RAP1GAP2: variants seen among roughly 807,000 people sequenced by gnomAD.
RAP1GAP2 encodes RAP1 GTPase activating protein 2.
In RAP1GAP2, 27 loss-of-function variants were observed where a neutral mutation model predicts 95.0. The observed-to-expected ratio is 0.28, with a 90% CI of 0.21 to 0.39. RAP1GAP2 has a LOEUF of 0.39. Ranked by LOEUF, RAP1GAP2 falls within the 10% of genes least tolerant of loss-of-function variation. The pLI is 1.00. For missense variants in RAP1GAP2, 771 were observed against 970.0 expected (o/e 0.79, Z 2.72); for synonymous variants, 373 against 380.9 (o/e 0.98, Z 0.24).
intron 3 of RAP1GAP2, among the ~76,000 whole-genome samples, chr17:2,956,463 T>C (rs2044110252): frequency 6.6e-6 from 1 of 152,214 alleles, no homozygotes. Flanking sequence ...CAGGCAGTTC[T>C]GGCCCATGGG....
intron 3 of RAP1GAP2, among the ~76,000 whole-genome samples, chr17:2,951,126 C>T (rs2043908285): frequency 6.6e-6 from 1 of 152,250 alleles, no homozygotes; most frequent in Non-Finnish European, 1.5e-5. Context: ...CAGCATCTCT[C>T]AGGCCCAGGC....
intron 17 of RAP1GAP2, among the ~76,000 whole-genome samples, chr17:3,015,518 T>C (rs943695335): frequency 2.0e-5 from 3 of 152,136 alleles, no homozygotes; most frequent in African/African-American, 7.2e-5. Flanking sequence ...TAGACCCAGC[T>C]CTTCCTAAGA....
At chr17:2,886,527 C>A (rs2073511589) in intron 2 of RAP1GAP2, among the ~76,000 whole-genome samples, 1 of 152,264 alleles carries the variant, frequency 6.6e-6, no homozygotes, top group Non-Finnish European at 1.5e-5. Context: ...GAATGATAGT[C>A]AGTGGTGCCC....
chr17:2,814,028 T>G (rs2069891900), intron 2 of RAP1GAP2, among the ~76,000 whole-genome samples: 1 of 151,884 alleles, frequency 6.6e-6, no homozygotes, highest in South Asian at 2.1e-4. Flanking sequence ...TCTGGGGCAG[T>G]GGTATAAAAT....
intron 3 of RAP1GAP2, among the ~76,000 whole-genome samples, chr17:2,916,647 C>A (rs1400920802): frequency 3.9e-5 from 6 of 152,134 alleles, no homozygotes; most frequent in Non-Finnish European, 8.8e-5. Context: ...GGGACGGTGG[C>A]CACCGGGAGG....
chr17:2,905,404 G>A (rs778823944), intron 3 of RAP1GAP2, 36 bp downstream of exon 3: 21 of 1,601,034 alleles, frequency 1.3e-5, no homozygotes, highest in African/African-American at 2.7e-5. Context: ...AGGGAGGGGA[G>A]AGTGTGGGGA....
intron 17 of RAP1GAP2, among the ~76,000 whole-genome samples, chr17:3,009,693 G>C (rs2046450235): frequency 6.6e-6 from 1 of 152,182 alleles, no homozygotes; most frequent in African/African-American, 2.4e-5. Flanking sequence ...GTTGGGAAAA[G>C]GAGCTGAGCT....
At chr17:2,977,808 A>G (rs1363902268) in intron 8 of RAP1GAP2, among the ~76,000 whole-genome samples, 2 of 152,026 alleles carry the variant, frequency 1.3e-5, no homozygotes, top group Non-Finnish European at 1.5e-5. Flanking sequence ...TAAGACTGGA[A>G]TAACACCTTG....
At chr17:3,006,640 A>G (rs536262105) in intron 16 of RAP1GAP2, among the ~76,000 whole-genome samples, 15 of 150,236 alleles carry the variant, frequency 1.0e-4, no homozygotes, top group African/African-American at 1.7e-4. Flanking sequence ...TTGCCATGTT[A>G]GCCAGGATGG....
In RAP1GAP2 at chr17:3,008,115, A is replaced by G; in HGVS notation, c.1464A>G (p.Gly488=). The G allele has an allele frequency of 6.2e-7, 1 of 1,613,942 alleles. No individual in the cohort carries two copies. Among genetic ancestry groups the G allele is most frequent in the Non-Finnish European group, 8.5e-7 (1 of 1,179,862 alleles). The change falls in exon 17 of 25, where the codon GGA becomes GGG. Residue 488 remains glycine (G), a synonymous_variant. Coordinates refer to ENST00000254695, the MANE Select transcript of RAP1GAP2 (RefSeq NM_015085.5). This position sits in a 1 kb window ranked among gnomAD's most constrained non-coding sequence, Gnocchi z 4.2. ...CAGAGGAGGACAAGTTTGAGAATGG[A>G]GGCCACGGGGGGTTCCTGGAGTCTT... ...LGPEEDKFEN[G]GHGGFLESFK...
chr17:2,761,084 A>G (rs9909127), intron 1 of RAP1GAP2, among the ~76,000 whole-genome samples: 15,385 of 149,922 alleles, frequency 0.1, 790 homozygotes, highest in Admixed American at 0.12. Flanking sequence ...CCTCCCGAGT[A>G]GCTGGGATTA....
chr17:2,873,965 C>T lies in RAP1GAP2; in HGVS notation c.81-31319C>T, dbSNP rs186845945. On this transcript the variant is annotated intron_variant, in intron 2 of 24. Coordinates refer to ENST00000254695, the MANE Select transcript of RAP1GAP2 (RefSeq NM_015085.5). ...TTGGTAGAGACGCGGTGGGGGGGGG[C>T]GGGTTTCACCATGTTGGCCAGGCTG... is the stretch of plus-strand genomic sequence containing the variant. 6.3e-4 allele frequency among the ~76,000 whole-genome samples: 95 copies of T among 150,610 alleles called. 1 individual carries two copies. The highest frequency in any genetic ancestry group is 2.0e-3 in the African/African-American group (83 of 41,022).
Position 3,009,510 on chromosome 17 carries a change from G to A in RAP1GAP2, c.1494+1365G>A, listed in dbSNP as rs564042404. Among the ~76,000 whole-genome samples the A allele has an allele frequency of 1.4e-4, 21 of 152,302 alleles. No homozygotes were observed. In the South Asian group the frequency reaches 4.4e-3, roughly 32 times the overall value. ...AGGTGGAGTTGAATCCAGGTCCGCC[G>A]GATTCCAAATCCGACACCACCTCCC... On this transcript the variant is annotated intron_variant, in intron 17 of 24. Coordinates refer to ENST00000254695, the MANE Select transcript of RAP1GAP2 (RefSeq NM_015085.5).
At chr17:2,979,000 A>T (rs947354013) in intron 8 of RAP1GAP2, among the ~76,000 whole-genome samples, 89 of 145,842 alleles carry the variant, frequency 6.1e-4, no homozygotes, top group African/African-American at 2.0e-3. Context: ...AAATAAATAA[A>T]AAAAATAAAA....
chr17:2,899,306 C>A (rs968057306), intron 2 of RAP1GAP2, among the ~76,000 whole-genome samples: 8 of 151,570 alleles, frequency 5.3e-5, no homozygotes, highest in South Asian at 2.1e-4. Context: ...CCGGGAGCTT[C>A]CGCTATTCTC....
chr17:2,912,571 C>T lies in RAP1GAP2; in HGVS notation c.165+7203C>T, dbSNP rs11868546. Among the ~76,000 whole-genome samples the T allele has an allele frequency of 5.5e-3, 844 of 152,178 alleles. 3 individuals are homozygous for T. The highest frequency in any genetic ancestry group is 0.01 in the Middle Eastern group (3 of 294). On this transcript the variant is annotated intron_variant, in intron 3 of 24. Coordinates refer to ENST00000254695, the MANE Select transcript of RAP1GAP2 (RefSeq NM_015085.5). ...CATCAGCAAGGAGGTTTGGTTTTTC[C>T]CTCTTCAAGAAAACCCTGTGTAGGG...
At chr17:2,885,881 T>C (rs8078491) in intron 2 of RAP1GAP2, among the ~76,000 whole-genome samples, 1,566 of 152,332 alleles carry the variant, frequency 0.01, 27 homozygotes, top group African/African-American at 0.034. Context: ...ATTATTGACA[T>C]TGATGCATCA....
At chr17:2,956,728 C>A (rs1033421998) in intron 3 of RAP1GAP2, among the ~76,000 whole-genome samples, 1 of 152,204 alleles carries the variant, frequency 6.6e-6, no homozygotes, top group African/African-American at 2.4e-5. Flanking sequence ...GCCAGCCCCT[C>A]ACGCTTCCAT....
upstream of RAP1GAP2, among the ~76,000 whole-genome samples, chr17:2,773,769 TC>T (rs1249706315): frequency 6.8e-6 from 1 of 147,904 alleles, no homozygotes; most frequent in African/African-American, 2.5e-5. Flanking sequence ...ATTTATTTAT[TC>T]TTTTTTGAGA....
Sources: allele counts gnomAD v4.1 joint callset (sites outside exome capture counted in the v4.1 genomes callset), GRCh38; gene constraint gnomAD v4.1.1; non-coding constraint Gnocchi (gnomAD v3.1); transcripts MANE v1.5; gene names NCBI Gene and HGNC (gene_info 2026-07-23, HGNC 2026-07-21).